GATAD2A: variants seen among roughly 807,000 people sequenced by gnomAD.
GATAD2A encodes the protein transcriptional repressor p66-alpha.
Under a neutral mutation model 68.5 loss-of-function variants are expected in GATAD2A, and 12 were observed. The ratio of observed to expected loss-of-function variants is 0.18; its 90% CI spans 0.11 to 0.28. GATAD2A has a LOEUF of 0.28. Among genes scored for constraint, GATAD2A ranks in the 10% least tolerant of loss-of-function variants. The probability of loss-of-function intolerance (pLI) is 1.00; values close to 1 mark genes in which losing one functional copy is unlikely to be tolerated. For synonymous variants in GATAD2A, 410 were observed against 375.3 expected (o/e 1.09, Z -1.07); for missense variants, 755 against 868.5 (o/e 0.87, Z 1.64).
intron 1 of GATAD2A, among the ~76,000 whole-genome samples, chr19:19,427,136 CAG>C (rs2053194000): frequency 6.9e-6 from 1 of 144,240 alleles, no homozygotes; most frequent in Non-Finnish European, 1.5e-5. Flanking sequence ...GGGTTGGGGG[CAG>C]AGAGATGAGA....
At chr19:19,479,425 T>TTCCTCAGTTTTTTCCAGCTG (rs1429315795) in intron 2 of GATAD2A, among the ~76,000 whole-genome samples, 2 of 152,178 alleles carry the variant, frequency 1.3e-5, no homozygotes, top group Non-Finnish European at 2.9e-5. Context: ...TTATTCTGAT[T>TTCCTCAGTTTTTTCCAGCTG]TCCTCAGTTT....
chr19:19,467,798 T>C (rs1011456132), intron 2 of GATAD2A, among the ~76,000 whole-genome samples: 2 of 152,202 alleles, frequency 1.3e-5, no homozygotes, highest in African/African-American at 2.4e-5. Context: ...TCAAGAAATA[T>C]ATATGTTTGC....
Position 19,505,570 on chromosome 19 carries a change from G to C in GATAD2A, c.*96G>C. The stretch of plus-strand genomic sequence containing the variant: ...GCACCACCCTCCGCTGGCTCGGGAA[G>C]ACACCGTGCCCGCCCCAAGAGCAAG... On this transcript the variant is annotated 3_prime_UTR_variant, in exon 12 of 12. Transcript: ENST00000683918. 2.6e-6 allele frequency: 3 copies of C among 1,138,056 alleles called. No individual in the cohort carries two copies. The South Asian group carries it at 4.9e-5, about 18-fold the overall frequency. The allele number at this position is 1,138,056 out of a possible 1,614,324, so 70.5% of individuals were successfully genotyped here.
rs2060833321 is a variant in GATAD2A at position 19,505,583 on chromosome 19, C to A, written c.*109C>A. 1 of 994,964 alleles carries A rather than the reference C, an allele frequency of 1.0e-6. No individual in the cohort carries two copies. Among genetic ancestry groups the A allele is most frequent in the Non-Finnish European group, 1.4e-6 (1 of 699,812 alleles). The allele number at this position is 994,964 out of a possible 1,614,324, so 61.6% of individuals were successfully genotyped here. ...CTGGCTCGGGAAGACACCGTGCCCG[C>A]CCCAAGAGCAAGCACCGGCCATGCT... On this transcript the variant is annotated 3_prime_UTR_variant, in exon 12 of 12. Coordinates refer to ENST00000683918, the MANE Select transcript of GATAD2A (RefSeq NM_001384528.1).
At chr19:19,460,072 G>A (rs910759561) in intron 1 of GATAD2A, among the ~76,000 whole-genome samples, 3 of 152,208 alleles carry the variant, frequency 2.0e-5, no homozygotes, top group African/African-American at 7.2e-5. Flanking sequence ...TGTCAGGCAG[G>A]CTCTGCCAAT....
In GATAD2A at chr19:19,435,908, C is replaced by T. The variant is rs117004370; in HGVS notation, c.-6-29432C>T. Among the ~76,000 whole-genome samples, 793 of 152,270 alleles carry T rather than the reference C, an allele frequency of 5.2e-3. 4 individuals carry two copies. Among genetic ancestry groups the T allele is most frequent in the South Asian group, 0.041 (199 of 4,824 alleles). Reference sequence around the variant, plus strand: ...GTATTGGTGAAGACAGTGTCTGGGACGTTGGCGTTCATTGGTTAGCACTGT... The same window carrying T: ...GTATTGGTGAAGACAGTGTCTGGGATGTTGGCGTTCATTGGTTAGCACTGT... On this transcript the variant is annotated intron_variant, in intron 1 of 11. Coordinates refer to ENST00000683918, the MANE Select transcript of GATAD2A (RefSeq NM_001384528.1).
At chr19:19,437,943 G>A (rs1183099728) in intron 1 of GATAD2A, among the ~76,000 whole-genome samples, 1 of 152,200 alleles carries the variant, frequency 6.6e-6, no homozygotes, top group Non-Finnish European at 1.5e-5. Context: ...TATACTTAGG[G>A]GTGCAGTTAC....
At chr19:19,414,028 C>G (rs931208742) in intron 1 of GATAD2A, among the ~76,000 whole-genome samples, 1 of 152,010 alleles carries the variant, frequency 6.6e-6, no homozygotes, top group African/African-American at 2.4e-5. Flanking sequence ...TCTTTTCTGA[C>G]TGTACAAGCA....
chr19:19,490,477 C>T (rs560225983), intron 2 of GATAD2A, among the ~76,000 whole-genome samples: 1 of 152,272 alleles, frequency 6.6e-6, no homozygotes, highest in East Asian at 1.9e-4. Flanking sequence ...ATCAACTAGA[C>T]CCTGGCACAG....
chr19:19,469,947 GAAA>G (rs112539183), intron 2 of GATAD2A, among the ~76,000 whole-genome samples: 3 of 135,256 alleles, frequency 2.2e-5, no homozygotes, highest in African/African-American at 8.2e-5. Context: ...GTCTGTCTCA[GAAA>G]AAAAAAAAAA....
At chr19:19,496,249 G>C in intron 7 of GATAD2A, 30 bp downstream of exon 7, 2 of 1,596,818 alleles carry the variant, frequency 1.3e-6, no homozygotes, top group Non-Finnish European at 1.7e-6. Context: ...GTGCCAGGGA[G>C]AGTGTGTGTC....
At chr19:19,487,156 C>T (rs2059493769) in intron 2 of GATAD2A, among the ~76,000 whole-genome samples, 1 of 152,234 alleles carries the variant, frequency 6.6e-6, no homozygotes, top group South Asian at 2.1e-4. Flanking sequence ...GCTCTGAGGA[C>T]ATGGGGGCTT....
chr19:19,492,028 CAG>C (rs2059827449), intron 2 of GATAD2A, among the ~76,000 whole-genome samples: 1 of 152,246 alleles, frequency 6.6e-6, no homozygotes, highest in African/African-American at 2.4e-5. Flanking sequence ...ATGTCATGCT[CAG>C]GGGCATACGC....
intron 7 of GATAD2A, among the ~76,000 whole-genome samples, chr19:19,496,684 G>A (rs998792890): frequency 6.6e-6 from 1 of 152,186 alleles, no homozygotes; most frequent in Non-Finnish European, 1.5e-5. Flanking sequence ...CACCAGGTGC[G>A]CCTATTCTTA....
chr19:19,497,090 G>A (rs1380485618), intron 7 of GATAD2A, among the ~76,000 whole-genome samples: 4 of 152,090 alleles, frequency 2.6e-5, no homozygotes. Context: ...GGAGTACAGT[G>A]GTGTGATCAA....
Position 19,502,046 on chromosome 19 carries a change from C to A in GATAD2A, c.1578+3C>A. On this transcript the variant is annotated splice_donor_region_variant and intron_variant, in intron 10 of 11. Transcript: ENST00000683918. Reference sequence around the variant, plus strand: ...GGAGTAACGGGGCTGTGCTACAGGTCAGAACCGCACTGGGCGCCGGGAGCC... The same window carrying A: ...GGAGTAACGGGGCTGTGCTACAGGTAAGAACCGCACTGGGCGCCGGGAGCC... 6.2e-7 allele frequency: 1 copy of A among 1,610,824 alleles called. No homozygotes were observed. Among genetic ancestry groups the A allele is most frequent in the South Asian group, 1.1e-5 (1 of 90,982 alleles).
Position 19,425,284 on chromosome 19 carries a change from G to A in GATAD2A, c.-7+19265G>A, listed in dbSNP as rs891110439. On this transcript the variant is annotated intron_variant, in intron 1 of 11. Transcript: ENST00000683918. ...CTTCTGTGTGCATTCTCCTATGATG[G>A]AGGCAGTGTCTTCTGCCAGATGGAG... Among the ~76,000 whole-genome samples the A allele has an allele frequency of 4.6e-5, 7 of 152,264 alleles. No individual in the cohort carries two copies. In the South Asian group the frequency reaches 1.0e-3, roughly 23 times the overall value.
At chr19:19,401,212 C>CT (rs1187049852), upstream of GATAD2A, among the ~76,000 whole-genome samples, 14,714 of 91,830 alleles carry the variant, frequency 0.16, 1,932 homozygotes, top group Non-Finnish European at 0.21. Context: ...AAAAACTTGG[C>CT]TTTTTTTTTT....
intron 1 of GATAD2A, among the ~76,000 whole-genome samples, chr19:19,463,132 C>G (rs2057585637): frequency 6.6e-6 from 1 of 152,160 alleles, no homozygotes; most frequent in African/African-American, 2.4e-5. Flanking sequence ...CTCCCCTCAT[C>G]TCTCACCTAA....
Sources: allele counts gnomAD v4.1 joint callset (sites outside exome capture counted in the v4.1 genomes callset), GRCh38; gene constraint gnomAD v4.1.1; transcripts MANE v1.5; gene names NCBI Gene and HGNC (gene_info 2026-07-23, HGNC 2026-07-21).